The following WDR82 variants were observed in gnomAD, a reference collection of about 807,000 sequenced individuals.
WDR82 encodes WD repeat-containing protein 82.
In WDR82, 8 loss-of-function variants were observed where a neutral mutation model predicts 36.1. The observed-to-expected ratio is 0.22, with a 90% CI of 0.13 to 0.40. The LOEUF is 0.40. Among genes scored for constraint, WDR82 ranks in the 10% least tolerant of loss-of-function variants. WDR82 has a pLI of 1.00. For missense variants in WDR82, 185 were observed against 400.5 expected (o/e 0.46, Z 4.59); for synonymous variants, 129 against 137.8 (o/e 0.94, Z 0.45).
chr3:52,262,498 G>A (rs1312792887), intron 3 of WDR82, among the ~76,000 whole-genome samples: 1 of 152,174 alleles, frequency 6.6e-6, no homozygotes, highest in Non-Finnish European at 1.5e-5. Context: ...GCATCACCTG[G>A]AGGGTGGGTT....
At chr3:52,265,979 G>A (rs1700102646) in intron 3 of WDR82, among the ~76,000 whole-genome samples, 1 of 151,950 alleles carries the variant, frequency 6.6e-6, no homozygotes, top group African/African-American at 2.4e-5. Context: ...AATGGATGCA[G>A]GAAAAAATAC....
chr3:52,277,399 G>A (rs1270261790), intron 1 of WDR82, among the ~76,000 whole-genome samples: 3 of 151,798 alleles, frequency 2.0e-5, no homozygotes, highest in African/African-American at 7.3e-5. Context: ...AATTCAAAGT[G>A]GACCAAAAAG....
intron 3 of WDR82, among the ~76,000 whole-genome samples, chr3:52,262,251 G>A (rs926012147): frequency 6.6e-6 from 1 of 152,202 alleles, no homozygotes; most frequent in African/African-American, 2.4e-5. Context: ...GGGGCTGAGG[G>A]AGTGATTACT....
chr3:52,272,826 T>A (rs1457623901), intron 1 of WDR82, among the ~76,000 whole-genome samples: 1 of 152,204 alleles, frequency 6.6e-6, no homozygotes, highest in Non-Finnish European at 1.5e-5. Context: ...AAGTCAGTTA[T>A]TTGCACTTTC....
At chr3:52,268,805 C>T (rs980031938) in intron 2 of WDR82, among the ~76,000 whole-genome samples, 1 of 151,674 alleles carries the variant, frequency 6.6e-6, no homozygotes, top group African/African-American at 2.4e-5. Context: ...TATAAGCTAT[C>T]CTTGTGGAAT....
At chr3:52,277,073 A>G (rs1322893638) in intron 1 of WDR82, among the ~76,000 whole-genome samples, 1 of 132,802 alleles carries the variant, frequency 7.5e-6, no homozygotes, top group Non-Finnish European at 1.7e-5. Flanking sequence ...TCAAATAATA[A>G]TAATAATAAT....
intron 1 of WDR82, among the ~76,000 whole-genome samples, chr3:52,277,042 G>A (rs1700210008): frequency 6.8e-6 from 1 of 146,800 alleles, no homozygotes; most frequent in African/African-American, 2.5e-5. Flanking sequence ...AGCTGGAGAA[G>A]GTGGAGAAAA....
In WDR82 at chr3:52,260,511, A is replaced by G. The variant is rs760151131; in HGVS notation, c.427-10T>C. 2 of 1,539,584 alleles carry G rather than the reference A, an allele frequency of 1.3e-6. No homozygotes were observed. The highest frequency in any genetic ancestry group is 4.8e-5 in the East Asian group (2 of 42,004). ...GCAGATGCATGAGGCCCTAAGAGAA[A>G]AGAAATAAGAAATACACTAAAACAC... is the stretch of plus-strand genomic sequence containing the variant. On this transcript the variant is annotated splice_polypyrimidine_tract_variant and intron_variant, in intron 4 of 8. Transcript: ENST00000296490.
chr3:52,262,753 T>C (rs1159423690), intron 3 of WDR82, among the ~76,000 whole-genome samples: 1 of 152,212 alleles, frequency 6.6e-6, no homozygotes, highest in African/African-American at 2.4e-5. Context: ...TCAACTAACA[T>C]CTGCACCAGC....
chr3:52,268,490 C>T (rs1700125653), intron 2 of WDR82: 4 of 339,116 alleles, frequency 1.2e-5, no homozygotes, highest in South Asian at 8.9e-5. Context: ...CCTCATCTTG[C>T]ACCACATTTG....
intron 2 of WDR82, among the ~76,000 whole-genome samples, chr3:52,268,871 G>A (rs1300873050): frequency 1.3e-5 from 2 of 152,158 alleles, no homozygotes; most frequent in Non-Finnish European, 2.9e-5. Context: ...CTGTCACCCA[G>A]GTTGGAGTGC....
At chr3:52,270,122 A>G (rs576122010) in intron 2 of WDR82, among the ~76,000 whole-genome samples, 51 of 152,260 alleles carry the variant, frequency 3.3e-4, no homozygotes, top group South Asian at 1.0e-3. Flanking sequence ...TATTTGTTCT[A>G]AAAGTGTTCT....
At position 52,254,924 on chromosome 3, in the gene WDR82, G is replaced by C. The variant is rs1218300589; in HGVS notation, c.*2566C>G. ...TTTGCAACCACAGGGCCCAACGATA[G>C]AGACTGTGAGGTGGCATTTTTTTTT... On this transcript the variant is annotated 3_prime_UTR_variant, in exon 9 of 9. Coordinates refer to ENST00000296490, the MANE Select transcript of WDR82 (RefSeq NM_025222.4). The C allele has an allele frequency of 6.6e-6, 1 of 151,412 alleles. No individual in the cohort carries two copies. Among genetic ancestry groups the C allele is most frequent in the African/African-American group, 2.4e-5 (1 of 41,182 alleles). 9.4% of individuals were successfully genotyped at this position (151,412 alleles called of 1,614,324 possible). A position where few individuals can be genotyped will look rare whatever the true frequency, so the allele number is the denominator to read the frequency against.
intron 8 of WDR82, 86 bp from the exon 9 acceptor site, chr3:52,257,605 T>C (rs1700021000): frequency 6.4e-7 from 1 of 1,565,176 alleles, no homozygotes; most frequent in Non-Finnish European, 8.8e-7. Context: ...ACAGCAAAAA[T>C]GTGCCCAACC....
intron 1 of WDR82, among the ~76,000 whole-genome samples, chr3:52,272,144 G>A (rs185390464): frequency 6.6e-6 from 1 of 152,290 alleles, no homozygotes; most frequent in East Asian, 1.9e-4. Context: ...ATCTCCATTT[G>A]TTGAAGTTCC....
At chr3:52,273,997 T>C (rs555638339) in intron 1 of WDR82, among the ~76,000 whole-genome samples, 1 of 152,348 alleles carries the variant, frequency 6.6e-6, no homozygotes, top group East Asian at 1.9e-4. Context: ...CACAACATTT[T>C]TCAAATATTT....
chr3:52,277,131 G>GA (rs1315551975), intron 1 of WDR82, among the ~76,000 whole-genome samples: 2 of 150,496 alleles, frequency 1.3e-5, no homozygotes, highest in Non-Finnish European at 3.0e-5. Context: ...AATCAAGTCT[G>GA]AAAAAACCAG....
intron 1 of WDR82, 104 bp downstream of exon 1, chr3:52,278,097 T>C (rs954268498): frequency 5.4e-6 from 7 of 1,290,070 alleles, no homozygotes; most frequent in Middle Eastern, 2.1e-4. Flanking sequence ...GCGTGCAAAA[T>C]AGGCTGGGGG....
intron 3 of WDR82, among the ~76,000 whole-genome samples, chr3:52,263,230 C>T (rs1700076753): frequency 5.9e-5 from 9 of 152,174 alleles, no homozygotes; most frequent in Admixed American, 5.2e-4. Context: ...CTGAGAAGTA[C>T]AGGGAACACA....
Sources: allele counts gnomAD v4.1 joint callset (sites outside exome capture counted in the v4.1 genomes callset), GRCh38; gene constraint gnomAD v4.1.1; transcripts MANE v1.5; gene names NCBI Gene and HGNC (gene_info 2026-07-23, HGNC 2026-07-21).